Variants in CDC14A observed in about 807,000 individuals in gnomAD.
CDC14A encodes cell division cycle 14A.
In CDC14A, 53 loss-of-function variants were observed where a neutral mutation model predicts 74.4. That is an observed-to-expected ratio of 0.71 (90% confidence interval 0.57 to 0.89). CDC14A has a LOEUF of 0.89. CDC14A is among the 40% of genes least tolerant of loss of function. CDC14A has a pLI of 0.00. For synonymous variants in CDC14A, 247 were observed against 258.4 expected (o/e 0.96, Z 0.43); for missense variants, 646 against 713.7 (o/e 0.91, Z 1.08).
intron 10 of CDC14A, among the ~76,000 whole-genome samples, chr1:100,480,352 C>G (rs886495377): frequency 1.3e-5 from 2 of 152,242 alleles, no homozygotes; most frequent in South Asian, 2.1e-4. Flanking sequence ...AATAATATTC[C>G]ATTGTATGTA....
At chr1:100,446,936 C>A (rs1244520280) in intron 7 of CDC14A, among the ~76,000 whole-genome samples, 2 of 152,092 alleles carry the variant, frequency 1.3e-5, no homozygotes. Flanking sequence ...TGGACTCAAG[C>A]AATCCGCCCA....
chr1:100,352,001 T>TGGCGC (rs780596608), upstream of CDC14A, among the ~76,000 whole-genome samples: 1 of 133,850 alleles, frequency 7.5e-6, no homozygotes, highest in East Asian at 2.0e-4. Flanking sequence ...TGTGTGTGTG[T>TGGCGC]GTGCGCGCGC....
intron 2 of CDC14A, among the ~76,000 whole-genome samples, chr1:100,365,171 A>G (rs1653394705): frequency 6.6e-6 from 1 of 152,250 alleles, no homozygotes. Flanking sequence ...TTCCTAATAC[A>G]TGTAGCTGCT....
At chr1:100,475,352 T>G (rs888775884) in intron 10 of CDC14A, among the ~76,000 whole-genome samples, 1 of 152,270 alleles carries the variant, frequency 6.6e-6, no homozygotes, top group Non-Finnish European at 1.5e-5. Context: ...TGGCTACTTT[T>G]AAATCTTTGT....
At chr1:100,456,576 G>A (rs1666715715) in intron 8 of CDC14A, among the ~76,000 whole-genome samples, 1 of 151,662 alleles carries the variant, frequency 6.6e-6, no homozygotes, top group African/African-American at 2.4e-5. Flanking sequence ...AGGCTGAGGT[G>A]GGAGGATTGC....
chr1:100,423,906 T>C (rs1662651482), intron 4 of CDC14A: 1 of 238,690 alleles, frequency 4.2e-6, no homozygotes, highest in African/African-American at 2.2e-5. Flanking sequence ...GCGTTGGTCT[T>C]TGGTGAGCAC....
intron 5 of CDC14A, 80 bp downstream of exon 5, chr1:100,424,381 T>C: frequency 1.1e-6 from 1 of 951,346 alleles, no homozygotes; most frequent in South Asian, 1.3e-5. Flanking sequence ...TGTTTTTTAA[T>C]TGTCTTAAGA....
chr1:100,432,095 T>C (rs1427774486), intron 5 of CDC14A, among the ~76,000 whole-genome samples: 2 of 151,686 alleles, frequency 1.3e-5, no homozygotes, highest in Non-Finnish European at 2.9e-5. Flanking sequence ...TGAGATTCTG[T>C]TTTTTTGTTG....
rs2101494163 is a variant in CDC14A, at chr1:100,518,604, A to AT, written c.*326dup. The AT allele has an allele frequency of 5.6e-6, 1 of 177,748 alleles. No individual in the cohort carries two copies. The highest frequency in any genetic ancestry group is 1.6e-4 in the South Asian group (1 of 6,284). The allele number at this position is 177,748 out of a possible 1,614,324, so 11.0% of individuals were successfully genotyped here. On this transcript the variant is annotated 3_prime_UTR_variant, in exon 16 of 16. Coordinates refer to ENST00000336454, the MANE Select transcript of CDC14A (RefSeq NM_003672.4). ...ATTATATTTACATGTACAGTGTTAC[A>AT]TTATATATGTATTGTGAACTTTAAA...
chr1:100,387,420 T>C (rs900005718), intron 3 of CDC14A, among the ~76,000 whole-genome samples: 1 of 152,180 alleles, frequency 6.6e-6, no homozygotes, highest in Non-Finnish European at 1.5e-5. Flanking sequence ...TCTTGGCTGG[T>C]GTGCTTTTGA....
intron 10 of CDC14A, among the ~76,000 whole-genome samples, chr1:100,481,734 T>C (rs1023240970): frequency 6.6e-6 from 1 of 152,230 alleles, no homozygotes; most frequent in African/African-American, 2.4e-5. Flanking sequence ...TTAAAGCACA[T>C]GCCCTTTTTA....
At position 100,515,114 on chromosome 1, in the gene CDC14A, A is replaced by C. The variant is rs141039968; in HGVS notation, c.1756-3137A>C. On this transcript the variant is annotated intron_variant, in intron 15 of 15. Transcript: ENST00000336454. ...GTCCCACCAGGCACTCATCTGGCTTATCTATCTAACCTGTCTAAGATTTGA... is the reference window on the plus strand; with the variant it reads ...GTCCCACCAGGCACTCATCTGGCTTCTCTATCTAACCTGTCTAAGATTTGA... Among the ~76,000 whole-genome samples the C allele has an allele frequency of 1.6e-4, 25 of 152,332 alleles. 1 individual carries two copies. Among genetic ancestry groups the C allele is most frequent in the Admixed American group, 9.1e-4 (14 of 15,308 alleles).
At chr1:100,464,115 G>A (rs979248302) in intron 9 of CDC14A, among the ~76,000 whole-genome samples, 2 of 152,172 alleles carry the variant, frequency 1.3e-5, no homozygotes, top group Admixed American at 6.5e-5. Flanking sequence ...GTAGGTGGAG[G>A]TACTTTGTGA....
At chr1:100,380,751 G>A (rs1047382473) in intron 3 of CDC14A, among the ~76,000 whole-genome samples, 5 of 152,116 alleles carry the variant, frequency 3.3e-5, no homozygotes, top group Non-Finnish European at 5.9e-5. Context: ...TTTTCCCAGT[G>A]GATGATTTCA....
chr1:100,492,690 T>A (rs1670828431), intron 11 of CDC14A, among the ~76,000 whole-genome samples: 1 of 152,250 alleles, frequency 6.6e-6, no homozygotes, highest in Non-Finnish European at 1.5e-5. Flanking sequence ...TAGTTTTCTA[T>A]GCATTTAGGA....
At chr1:100,439,585 C>T (rs1055919280) in intron 5 of CDC14A, among the ~76,000 whole-genome samples, 3 of 152,138 alleles carry the variant, frequency 2.0e-5, no homozygotes, top group Admixed American at 2.0e-4. Context: ...TGAGTGATAG[C>T]TGCTATCATT....
chr1:100,498,310 G>C (rs917501981), intron 14 of CDC14A, 103 bp downstream of exon 14: 2 of 1,311,034 alleles, frequency 1.5e-6, no homozygotes, highest in Middle Eastern at 1.9e-4. Flanking sequence ...GGACAAGGGA[G>C]AAGAGGAGAA....
At chr1:100,459,249 A>T (rs979853745) in intron 8 of CDC14A, among the ~76,000 whole-genome samples, 12 of 152,154 alleles carry the variant, frequency 7.9e-5, no homozygotes, top group Admixed American at 6.5e-5. Flanking sequence ...GGCAGGTTGA[A>T]GCCTGGCTCC....
intron 10 of CDC14A, among the ~76,000 whole-genome samples, chr1:100,478,116 A>AT (rs1669103754): frequency 6.6e-6 from 1 of 152,170 alleles, no homozygotes; most frequent in South Asian, 2.1e-4. Flanking sequence ...TTTTTCTTCT[A>AT]TTTAAAGCTG....
Sources: allele counts gnomAD v4.1 joint callset (sites outside exome capture counted in the v4.1 genomes callset), GRCh38; gene constraint gnomAD v4.1.1; transcripts MANE v1.5; gene names NCBI Gene and HGNC (gene_info 2026-07-23, HGNC 2026-07-21).